Variants in ALG6 observed in about 807,000 individuals in gnomAD.
The protein encoded by ALG6 is dolichyl pyrophosphate Man9GlcNAc2 alpha-1,3-glucosyltransferase.
A neutral mutation model predicts 66.6 loss-of-function variants in ALG6; 46 were observed. The observed-to-expected ratio is 0.69, with a 90% CI of 0.55 to 0.88. ALG6 has a LOEUF of 0.88. Among genes scored for constraint, ALG6 ranks in the 40% least tolerant of loss-of-function variants. The pLI, the probability that ALG6 is intolerant of heterozygous loss-of-function variation, is 0.00. For synonymous variants in ALG6, 185 were observed against 203.7 expected (o/e 0.91, Z 0.78); for missense variants, 505 against 586.8 (o/e 0.86, Z 1.44).
intron 2 of ALG6, among the ~76,000 whole-genome samples, chr1:63,385,158 T>C (rs1324695033): frequency 1.3e-5 from 2 of 150,454 alleles, no homozygotes; most frequent in Non-Finnish European, 3.0e-5. Context: ...TGTTCTATAG[T>C]TTTTTATTAA....
intron 12 of ALG6, among the ~76,000 whole-genome samples, chr1:63,424,195 C>A (rs1024344749): frequency 6.6e-6 from 1 of 152,112 alleles, no homozygotes; most frequent in Non-Finnish European, 1.5e-5. Flanking sequence ...GGCTGGAATG[C>A]AATGGCACGG....
chr1:63,429,455 G>C (rs1404284168), intron 14 of ALG6: 1 of 235,828 alleles, frequency 4.2e-6, no homozygotes, highest in African/African-American at 2.3e-5. Context: ...CATATAAATG[G>C]AATGTATTAG....
At chr1:63,376,593 G>C (rs1648139729) in intron 2 of ALG6, among the ~76,000 whole-genome samples, 1 of 152,030 alleles carries the variant, frequency 6.6e-6, no homozygotes, top group South Asian at 2.1e-4. Flanking sequence ...GAGTTATTTA[G>C]AATTATGTTT....
intron 3 of ALG6, among the ~76,000 whole-genome samples, chr1:63,401,131 C>T (rs1232419720): frequency 1.3e-5 from 2 of 152,112 alleles, no homozygotes; most frequent in African/African-American, 4.8e-5. Context: ...GGACAATGGC[C>T]ACCAGCTGGT....
intron 2 of ALG6, among the ~76,000 whole-genome samples, chr1:63,387,204 G>C (rs370881783): frequency 6.6e-6 from 1 of 152,034 alleles, no homozygotes; most frequent in Non-Finnish European, 1.5e-5. Flanking sequence ...GTGGTCTATC[G>C]TATGGTCTAT....
chr1:63,374,425 C>T (rs1356116623), intron 2 of ALG6, among the ~76,000 whole-genome samples: 2 of 152,124 alleles, frequency 1.3e-5, no homozygotes, highest in African/African-American at 2.4e-5. Context: ...GTCAGGAGTT[C>T]GAGACCAGCG....
At chr1:63,379,501 A>G (rs1296008525) in intron 2 of ALG6, among the ~76,000 whole-genome samples, 1 of 152,092 alleles carries the variant, frequency 6.6e-6, no homozygotes, top group Admixed American at 6.5e-5. Flanking sequence ...CTGACCTTGA[A>G]TTCCTACCTG....
chr1:63,396,599 T>C lies in ALG6; in HGVS notation c.167+2T>C. On this transcript the variant is annotated splice_donor_variant, in intron 3 of 14. Coordinates refer to ENST00000263440, the MANE Select transcript of ALG6 (RefSeq NM_013339.4). LOFTEE classifies it high-confidence loss of function. ...TTTTAATTTACCGGTCAAACAATGG[T>C]ATGATAATTTTAACTTGTTTTTCTT... is the stretch of plus-strand genomic sequence containing the variant. The C allele has an allele frequency of 6.2e-7, 1 of 1,610,164 alleles. No homozygotes were observed. The highest frequency in any genetic ancestry group is 1.1e-5 in the South Asian group (1 of 90,998).
At chr1:63,385,288 C>T (rs1004123694) in intron 2 of ALG6, among the ~76,000 whole-genome samples, 1 of 146,482 alleles carries the variant, frequency 6.8e-6, no homozygotes, top group African/African-American at 2.5e-5. Flanking sequence ...CAACCTCTAC[C>T]TCCCAGGTTA....
chr1:63,392,060 A>G (rs1648688575), intron 2 of ALG6, among the ~76,000 whole-genome samples: 1 of 152,212 alleles, frequency 6.6e-6, no homozygotes, highest in Non-Finnish European at 1.5e-5. Flanking sequence ...TTGATGAGAA[A>G]GTTGTAGAGA....
intron 2 of ALG6, among the ~76,000 whole-genome samples, chr1:63,391,273 A>G (rs898911517): frequency 2.6e-5 from 4 of 152,236 alleles, no homozygotes; most frequent in African/African-American, 7.2e-5. Context: ...TTTATTGAAT[A>G]TAAGTTTGAA....
At chr1:63,417,928 G>T (rs1047137533) in intron 11 of ALG6, among the ~76,000 whole-genome samples, 2 of 152,138 alleles carry the variant, frequency 1.3e-5, no homozygotes, top group African/African-American at 4.8e-5. Flanking sequence ...CTGAGGTTGG[G>T]AGTTCAAGAC....
chr1:63,383,487 T>C (rs1340674446), intron 2 of ALG6, among the ~76,000 whole-genome samples: 1 of 151,976 alleles, frequency 6.6e-6, no homozygotes, highest in African/African-American at 2.4e-5. Flanking sequence ...GCCATCATGG[T>C]TCACTGCAGC....
intron 2 of ALG6, among the ~76,000 whole-genome samples, chr1:63,380,387 G>A (rs776980134): frequency 1.3e-5 from 2 of 152,260 alleles, no homozygotes; most frequent in Non-Finnish European, 2.9e-5. Flanking sequence ...TGAAGTGGGG[G>A]AAGAAGGGCT....
intron 11 of ALG6, among the ~76,000 whole-genome samples, chr1:63,418,059 G>A (rs964947916): frequency 1.3e-5 from 2 of 151,622 alleles, no homozygotes; most frequent in African/African-American, 4.8e-5. Flanking sequence ...GCTTGAACCT[G>A]GGAGGCGGAG....
intron 9 of ALG6, among the ~76,000 whole-genome samples, chr1:63,413,104 G>A (rs954595703): frequency 6.6e-6 from 1 of 152,094 alleles, no homozygotes; most frequent in East Asian, 1.9e-4. Flanking sequence ...AATTTTATTT[G>A]ATCTTTACAG....
intron 14 of ALG6, among the ~76,000 whole-genome samples, chr1:63,430,735 TG>T (rs1644641505): frequency 6.6e-6 from 1 of 152,216 alleles, no homozygotes; most frequent in Non-Finnish European, 1.5e-5. Context: ...CATTTTAAAC[TG>T]GGTTGTCTTT....
At chr1:63,391,381 G>C (rs1163797858) in intron 2 of ALG6, among the ~76,000 whole-genome samples, 2 of 152,150 alleles carry the variant, frequency 1.3e-5, no homozygotes, top group African/African-American at 2.4e-5. Context: ...AATGTGATAG[G>C]ACAATAGAGT....
rs371088118 is a variant in ALG6 at position 63,411,130 on chromosome 1, C to T, written c.495-16C>T. ...TTTAAAAGATTATTGAGATAATTTC[C>T]TTGACACAGGAACATATATAATTCT... is the stretch of plus-strand genomic sequence containing the variant. On this transcript the variant is annotated splice_polypyrimidine_tract_variant and intron_variant, in intron 7 of 14. Transcript: ENST00000263440. The T allele has an allele frequency of 1.2e-6, 2 of 1,612,422 alleles. No homozygotes were observed. Among genetic ancestry groups the T allele is most frequent in the East Asian group, 2.2e-5 (1 of 44,840 alleles).
Sources: allele counts gnomAD v4.1 joint callset (sites outside exome capture counted in the v4.1 genomes callset), GRCh38; gene constraint gnomAD v4.1.1; transcripts MANE v1.5; gene names NCBI Gene and HGNC (gene_info 2026-07-23, HGNC 2026-07-21).